PNPLA1: variants seen among roughly 807,000 people sequenced by gnomAD.
PNPLA1 encodes patatin like domain 1, omega-hydroxyceramide transacylase, also known as omega-hydroxyceramide transacylase.
In PNPLA1, 36 loss-of-function variants were observed where a neutral mutation model predicts 51.7. The observed-to-expected ratio is 0.70, with a 90% confidence interval of 0.53 to 0.92. The LOEUF (loss-of-function observed/expected upper bound fraction) is 0.92. Ranked by LOEUF, PNPLA1 falls within the 40% of genes least tolerant of loss-of-function variation. The pLI, the probability that PNPLA1 is intolerant of heterozygous loss-of-function variation, is 0.00. For synonymous variants in PNPLA1, 293 were observed against 280.1 expected (o/e 1.05, Z -0.46); for missense variants, 658 against 682.5 (o/e 0.96, Z 0.40).
intron 1 of PNPLA1, among the ~76,000 whole-genome samples, chr6:36,246,683 G>A (rs1334985002): frequency 1.3e-5 from 2 of 152,092 alleles, no homozygotes; most frequent in African/African-American, 4.8e-5. Flanking sequence ...ACCCAGCTTC[G>A]AGTCACTCAC....
rs1331649741 is a variant in PNPLA1 at position 36,294,596 on chromosome 6, C to G, written c.714+197C>G. ...CTTGAACAAGCGCCTCAAGCTCTCCCAGCTTCAACATTCTCCCCGGTAAAG... is the reference window on the plus strand; with the variant it reads ...CTTGAACAAGCGCCTCAAGCTCTCCGAGCTTCAACATTCTCCCCGGTAAAG... On this transcript the variant is annotated intron_variant, in intron 4 of 8. Transcript: ENST00000636260. The surrounding 1 kb of genome is among the most constrained non-coding windows in gnomAD (Gnocchi z 4.2). Among the ~76,000 whole-genome samples the G allele has an allele frequency of 6.6e-6, 1 of 152,190 alleles. No individual in the cohort carries two copies. The highest frequency in any genetic ancestry group is 1.5e-5 in the Non-Finnish European group (1 of 68,032).
At chr6:36,266,928 C>A (rs574122778), upstream of PNPLA1, among the ~76,000 whole-genome samples, 5 of 152,300 alleles carry the variant, frequency 3.3e-5, no homozygotes, top group African/African-American at 1.2e-4. Flanking sequence ...AAGGGTGATA[C>A]CCCATCAGGT....
chr6:36,267,800 A>G (rs917624677), upstream of PNPLA1, among the ~76,000 whole-genome samples: 2 of 151,982 alleles, frequency 1.3e-5, no homozygotes, highest in African/African-American at 4.8e-5. Flanking sequence ...CCCCATGGAT[A>G]GTGCCCATGT....
chr6:36,290,649 A>T (rs1770646202), intron 1 of PNPLA1, among the ~76,000 whole-genome samples: 1 of 151,984 alleles, frequency 6.6e-6, no homozygotes, highest in Non-Finnish European at 1.5e-5. Context: ...CTCCTCTGCC[A>T]CCCCCGAATA....
chr6:36,287,818 G>A (rs1472932258), intron 1 of PNPLA1, among the ~76,000 whole-genome samples: 2 of 151,280 alleles, frequency 1.3e-5, no homozygotes, highest in Non-Finnish European at 1.5e-5. Flanking sequence ...GTAAGAAGAT[G>A]CAGAGATAAC....
intron 1 of PNPLA1, among the ~76,000 whole-genome samples, chr6:36,273,254 TAAA>T (rs1769979711): frequency 1.0e-5 from 1 of 97,580 alleles, no homozygotes; most frequent in Non-Finnish European, 2.3e-5. Context: ...AAATAAATAA[TAAA>T]TAAATAAATA....
chr6:36,282,402 C>T (rs1463114785), intron 1 of PNPLA1, among the ~76,000 whole-genome samples: 2 of 152,216 alleles, frequency 1.3e-5, no homozygotes, highest in Non-Finnish European at 2.9e-5. Flanking sequence ...CTCAAATGAA[C>T]TTATGCTTTA....
In PNPLA1 at chr6:36,270,686, C is replaced by G. The variant is rs894705035; in HGVS notation, c.205+22C>G. 2.2e-5 allele frequency: 34 copies of G among 1,548,784 alleles called. No homozygotes were observed. In the East Asian group the frequency reaches 6.6e-4, roughly 30 times the overall value. On this transcript the variant is annotated intron_variant, in intron 1 of 8. Transcript: ENST00000636260. Reference sequence around the variant, plus strand: ...ATGGGTGAGGCCTGTGTTCTGGGTCCCCTGGGAAGTCTCTTGGGGGATTCC... The same window carrying G: ...ATGGGTGAGGCCTGTGTTCTGGGTCGCCTGGGAAGTCTCTTGGGGGATTCC...
chr6:36,307,510 C>T (rs917571659), intron 7 of PNPLA1, 77 bp from the exon 8 acceptor site: 124 of 1,542,868 alleles, frequency 8.0e-5, no homozygotes, highest in African/African-American at 5.9e-4. Flanking sequence ...TGTCCACCTG[C>T]GGAGCTGAGC....
chr6:36,262,323 C>T (rs577488867), intron 1 of PNPLA1, among the ~76,000 whole-genome samples: 14 of 152,352 alleles, frequency 9.2e-5, no homozygotes, highest in Non-Finnish European at 1.3e-4. Context: ...AACAGCAAGC[C>T]TAAATCTCAT....
Position 36,294,440 on chromosome 6 carries a change from AG to A in PNPLA1, c.714+44del, listed in dbSNP as rs1364107884. The A allele has an allele frequency of 6.3e-7, 1 of 1,582,328 alleles. No individual in the cohort carries two copies. The highest frequency in any genetic ancestry group is 8.7e-7 in the Non-Finnish European group (1 of 1,154,514). ...GGTCTGGGGAGTAGCAGAAGGTACC[AG>A]GGACTAGGGGTGGGGTTAGAGAGCC... On this transcript the variant is annotated intron_variant, in intron 4 of 8. Transcript: ENST00000636260. The surrounding 1 kb of genome is among the most constrained non-coding windows in gnomAD (Gnocchi z 4.2).
At chr6:36,300,715 G>A (rs377650610) in intron 5 of PNPLA1, among the ~76,000 whole-genome samples, 10 of 152,086 alleles carry the variant, frequency 6.6e-5, no homozygotes, top group Non-Finnish European at 1.5e-4. Flanking sequence ...AGTGTCCATC[G>A]GGTTTCTCCA....
At chr6:36,270,900 C>G (rs545190788) in intron 1 of PNPLA1, among the ~76,000 whole-genome samples, 2 of 152,286 alleles carry the variant, frequency 1.3e-5, no homozygotes, top group East Asian at 1.9e-4. Flanking sequence ...CCCTCTCCCT[C>G]AGTGCCCTTA....
intron 1 of PNPLA1, among the ~76,000 whole-genome samples, chr6:36,274,540 C>T (rs9368920): frequency 0.39 from 59,377 of 151,994 alleles, 12,479 homozygotes; most frequent in African/African-American, 0.55. Flanking sequence ...GTTTCCTTGT[C>T]GTTACAACCA....
intron 5 of PNPLA1, among the ~76,000 whole-genome samples, chr6:36,299,984 A>T (rs1770980578): frequency 6.6e-6 from 1 of 152,154 alleles, no homozygotes; most frequent in African/African-American, 2.4e-5. Flanking sequence ...GTTACAACTC[A>T]TGAACCAATC....
At chr6:36,273,577 A>T (rs776200536) in intron 1 of PNPLA1, among the ~76,000 whole-genome samples, 12 of 148,582 alleles carry the variant, frequency 8.1e-5, no homozygotes, top group Non-Finnish European at 1.5e-4. Context: ...CATTACCCTC[A>T]CTCTTCTGTC....
chr6:36,267,066 G>A (rs1769776879), upstream of PNPLA1, among the ~76,000 whole-genome samples: 1 of 152,190 alleles, frequency 6.6e-6, no homozygotes, highest in Non-Finnish European at 1.5e-5. Context: ...TGTTGGAAGT[G>A]TGTGATAAGC....
intron 6 of PNPLA1, among the ~76,000 whole-genome samples, chr6:36,302,729 G>T (rs1243071020): frequency 2.0e-5 from 3 of 152,158 alleles, no homozygotes; most frequent in Non-Finnish European, 4.4e-5. Flanking sequence ...GAACTTGCTA[G>T]AAATTACAGT....
chr6:36,249,911 G>T (rs1769384385), intron 1 of PNPLA1, among the ~76,000 whole-genome samples: 1 of 152,178 alleles, frequency 6.6e-6, no homozygotes, highest in Admixed American at 6.5e-5. Flanking sequence ...AGTTCCGGAT[G>T]AACAGAAAAC....
Sources: allele counts gnomAD v4.1 joint callset (sites outside exome capture counted in the v4.1 genomes callset), GRCh38; gene constraint gnomAD v4.1.1; non-coding constraint Gnocchi (gnomAD v3.1); transcripts MANE v1.5; gene names NCBI Gene and HGNC (gene_info 2026-07-23, HGNC 2026-07-21).